Variants in MORC1 observed in about 807,000 individuals in gnomAD.
The protein encoded by MORC1 is MORC family CW-type zinc finger 1, also known as MORC family CW-type zinc finger protein 1.
Under a neutral mutation model 134.9 loss-of-function variants are expected in MORC1, and 59 were observed. That is an observed-to-expected ratio of 0.44 (90% CI 0.35 to 0.54). MORC1 has a LOEUF of 0.54. Among genes scored for constraint, MORC1 ranks in the 20% least tolerant of loss-of-function variants. The probability of loss-of-function intolerance (pLI) is 0.00; values close to 1 mark genes in which losing one functional copy is unlikely to be tolerated. For missense variants in MORC1, 947 were observed against 1,134.5 expected, an observed-to-expected ratio of 0.83 and a Z score of 2.37; for synonymous variants, 395 against 391.7, an observed-to-expected ratio of 1.01 and a Z score of -0.10.
At chr3:109,032,593 A>G in intron 16 of MORC1, 127 bp downstream of exon 16, 1 of 641,540 alleles carries the variant, frequency 1.6e-6, no homozygotes, top group Non-Finnish European at 2.7e-6. Context: ...GGGCATTAGA[A>G]AGAGTTTGAA....
At chr3:109,072,438 G>A (rs567337394) in intron 8 of MORC1, among the ~76,000 whole-genome samples, 6 of 152,094 alleles carry the variant, frequency 3.9e-5, no homozygotes, top group Middle Eastern at 3.4e-3. Context: ...TGTACTTCCC[G>A]CCGTCAAGGC....
chr3:109,058,612 T>G (rs1197160842), intron 12 of MORC1, among the ~76,000 whole-genome samples: 2 of 152,034 alleles, frequency 1.3e-5, no homozygotes, highest in Non-Finnish European at 2.9e-5. Context: ...ACATAAGACA[T>G]GAGTTAATAT....
At chr3:109,087,995 AATGGTGCTGGG>A (rs1950648185) in intron 8 of MORC1, among the ~76,000 whole-genome samples, 1 of 152,118 alleles carries the variant, frequency 6.6e-6, no homozygotes. Context: ...CTCTTCAATA[AATGGTGCTGGG>A]ATAACTGGCT....
intron 8 of MORC1, among the ~76,000 whole-genome samples, chr3:109,073,661 A>G (rs1025535773): frequency 6.6e-6 from 1 of 152,196 alleles, no homozygotes; most frequent in Non-Finnish European, 1.5e-5. Flanking sequence ...CCCTTTTGCA[A>G]TATCTCAGAA....
At chr3:108,962,746 G>C (rs184583086) in intron 27 of MORC1, among the ~76,000 whole-genome samples, 1 of 152,132 alleles carries the variant, frequency 6.6e-6, no homozygotes, top group African/African-American at 2.4e-5. Context: ...ACATTTCCAT[G>C]TGCTATAGAA....
intron 15 of MORC1, among the ~76,000 whole-genome samples, chr3:109,034,312 T>C (rs528478664): frequency 3.9e-5 from 6 of 152,360 alleles, no homozygotes; most frequent in African/African-American, 9.6e-5. Flanking sequence ...TTACACACTA[T>C]AGGCTGCTTT....
intron 27 of MORC1, among the ~76,000 whole-genome samples, chr3:108,962,693 A>G (rs143269400): frequency 1.3e-3 from 204 of 152,268 alleles, no homozygotes; most frequent in African/African-American, 4.6e-3. Flanking sequence ...GAAGACTTTC[A>G]ATCCTGACTA....
intron 15 of MORC1, 140 bp downstream of exon 15, chr3:109,035,200 A>T: frequency 1.4e-6 from 1 of 701,952 alleles, no homozygotes; most frequent in Non-Finnish European, 2.3e-6. Context: ...TTTCACACTT[A>T]TAACTTTCTT....
In MORC1 at chr3:108,979,589, T is replaced by A. The variant is rs1225889684; in HGVS notation, c.2403A>T (p.Lys801Asn). ...GAGAAGACGCTGGCGAAGAAGCAAC[T>A]TTACAACTGCCACTCACAGAAACTC... ...IARVSVSGSC[K>N]VASSPASSQS... Residue 801 changes from lysine to asparagine, a missense_variant, in exon 24 of 28, where the codon AAA becomes AAT. This residue lies in a region of MORC1 where 722 missense variants were observed against 817.0 expected (regional missense o/e 0.88). Transcript: ENST00000232603. 1 of 1,614,198 alleles carries A rather than the reference T, an allele frequency of 6.2e-7. No individual in the cohort carries two copies.
intron 8 of MORC1, among the ~76,000 whole-genome samples, chr3:109,075,889 AG>A (rs1445651126): frequency 1.3e-5 from 2 of 152,202 alleles, no homozygotes; most frequent in Non-Finnish European, 2.9e-5. Context: ...TACATTGGGC[AG>A]TATGGCCATT....
At chr3:109,048,312 A>G (rs984233513) in intron 14 of MORC1, among the ~76,000 whole-genome samples, 3 of 152,178 alleles carry the variant, frequency 2.0e-5, no homozygotes, top group Non-Finnish European at 4.4e-5. Context: ...TTAGGTAATG[A>G]TATTTGTAAT....
chr3:109,092,278 T>C (rs949244485), intron 8 of MORC1, among the ~76,000 whole-genome samples: 4 of 152,206 alleles, frequency 2.6e-5, no homozygotes, highest in African/African-American at 9.6e-5. Context: ...TATTAGGAAT[T>C]CTACATGTTG....
intron 8 of MORC1, among the ~76,000 whole-genome samples, chr3:109,085,059 G>T (rs1443295592): frequency 6.6e-6 from 1 of 152,010 alleles, no homozygotes; most frequent in African/African-American, 2.4e-5. Flanking sequence ...AAGCTAGCTA[G>T]AAAACATTGG....
At chr3:109,106,608 C>T (rs1951043485) in intron 3 of MORC1, among the ~76,000 whole-genome samples, 1 of 152,296 alleles carries the variant, frequency 6.6e-6, no homozygotes, top group Admixed American at 6.5e-5. Flanking sequence ...TCACCCTGCC[C>T]CTAGGCTTCA....
intron 8 of MORC1, among the ~76,000 whole-genome samples, chr3:109,075,408 G>A (rs1157212236): frequency 6.6e-6 from 1 of 152,064 alleles, no homozygotes; most frequent in Non-Finnish European, 1.5e-5. Context: ...TATTGCCTAG[G>A]TTTTCCTCTA....
intron 17 of MORC1, among the ~76,000 whole-genome samples, chr3:109,016,086 C>G (rs1948810851): frequency 6.6e-6 from 1 of 152,122 alleles, no homozygotes; most frequent in Admixed American, 6.5e-5. Context: ...GTGCATGAAA[C>G]AACGTTTTGA....
chr3:109,110,888 G>T, intron 2 of MORC1, 105 bp from the exon 3 acceptor site: 3 of 775,110 alleles, frequency 3.9e-6, no homozygotes, highest in Non-Finnish European at 6.0e-6. Context: ...CACTTAAATT[G>T]CTTCAAAATC....
chr3:108,959,054 G>C lies in MORC1; in HGVS notation c.2866C>G (p.Leu956Val). ...TTATTTAAATTGTTCTGGAAGAGAA[G>C]ATTATCTTCTTTAAGCAAAGCTTCT... ...YLEALLKEDN[L>V]LFQNNLNKVT... Residue 956 changes from leucine (L) to valine (V), a missense_variant, in exon 28 of 28, where the codon CTT (leucine) becomes GTT (valine). Leu to Val is a conservative substitution (Grantham distance 32). Around this residue, in one of 3 missense-constraint regions of MORC1, gnomAD observed 722 missense variants for 817.0 expected, o/e 0.88. Transcript: ENST00000232603. 1 of 1,575,270 alleles carries C rather than the reference G, an allele frequency of 6.3e-7. No homozygotes were observed. The highest frequency in any genetic ancestry group is 8.6e-7 in the Non-Finnish European group (1 of 1,161,408).
intron 23 of MORC1, among the ~76,000 whole-genome samples, chr3:108,981,553 T>C (rs6807283): frequency 0.29 from 43,833 of 152,064 alleles, 6,711 homozygotes; most frequent in Middle Eastern, 0.45. Flanking sequence ...CATGTTGGCA[T>C]TGAGGTTGAA....
Sources: gnomAD v4.1 joint callset for allele counts (sites outside exome capture counted in the v4.1 genomes callset) on GRCh38, gnomAD v4.1.1 for gene constraint, gnomAD v4.1.1 regional missense constraint, MANE v1.5 for transcripts, NCBI Gene and HGNC (gene_info 2026-07-23, HGNC 2026-07-21) for gene names.